RBMS1: variants seen among roughly 807,000 people sequenced by gnomAD.
RBMS1 encodes the protein RNA binding motif single stranded interacting protein 1.
RBMS1 carries 17 observed loss-of-function variants against 62.3 expected under a neutral mutation model. The ratio of observed to expected loss-of-function variants is 0.27; its 90% confidence interval spans 0.19 to 0.41. The LOEUF (loss-of-function observed/expected upper bound fraction) is 0.41, where lower values mean the gene tolerates loss of function less well. Among genes scored for constraint, RBMS1 ranks in the 10% least tolerant of loss-of-function variants. RBMS1 has a pLI of 1.00. For missense variants in RBMS1, 334 were observed against 504.5 expected (o/e 0.66, Z 3.24); for synonymous variants, 172 against 170.0 (o/e 1.01, Z -0.09).
intron 1 of RBMS1, among the ~76,000 whole-genome samples, chr2:160,414,755 G>A (rs933124058): frequency 2.0e-5 from 3 of 151,572 alleles, no homozygotes; most frequent in Non-Finnish European, 1.5e-5. Context: ...CGTTGAGTTA[G>A]CTAGCCCAAC....
intron 1 of RBMS1, among the ~76,000 whole-genome samples, chr2:160,379,113 G>T (rs1378293107): frequency 6.6e-6 from 1 of 152,072 alleles, no homozygotes; most frequent in African/African-American, 2.4e-5. Context: ...CAGCTACTCT[G>T]GTGGCTGTGG....
At chr2:160,365,238 A>C (rs1022412095) in intron 2 of RBMS1, among the ~76,000 whole-genome samples, 7 of 152,232 alleles carry the variant, frequency 4.6e-5, no homozygotes, top group African/African-American at 1.7e-4. Context: ...ATTTTGAGAT[A>C]GACTCTTCTG....
At chr2:160,490,233 A>T (rs1227470873) in intron 1 of RBMS1, among the ~76,000 whole-genome samples, 3 of 151,998 alleles carry the variant, frequency 2.0e-5, no homozygotes, top group Non-Finnish European at 4.4e-5. Flanking sequence ...AAGCTACATC[A>T]AGCTACATTT....
Position 160,493,392 on chromosome 2 carries a change from G to A in RBMS1, c.-29C>T. The stretch of plus-strand genomic sequence containing the variant: ...GCTGGAAGGGAGCCTGCCGTGCAGG[G>A]TCGCGGACACTTTGGGGTTTCCAAG... On this transcript the variant is annotated 5_prime_UTR_variant, in exon 1 of 14. Transcript: ENST00000348849. The A allele has an allele frequency of 6.2e-7, 1 of 1,606,800 alleles. No homozygotes were observed. Among genetic ancestry groups the A allele is most frequent in the Non-Finnish European group, 8.5e-7 (1 of 1,173,814 alleles).
intron 1 of RBMS1, among the ~76,000 whole-genome samples, chr2:160,435,741 T>C (rs1433372470): frequency 2.0e-5 from 3 of 152,210 alleles, no homozygotes; most frequent in Admixed American, 1.3e-4. Context: ...GCAATTGAAA[T>C]AGAATGATGG....
rs767965692 is a variant in RBMS1, at chr2:160,278,645, G to C, written c.965C>G (p.Thr322Ser). 25 of 1,612,056 alleles carry C rather than the reference G, an allele frequency of 1.6e-5. No individual in the cohort carries two copies. The change falls in exon 11 of 14, where the codon ACT (threonine) becomes AGT (serine). Residue 322 changes from threonine (T) to serine (S), a missense_variant. Coordinates refer to ENST00000348849, the MANE Select transcript of RBMS1 (RefSeq NM_016836.4). ...YILQHPGAVLTPSMEHTMSLQ... is the reference protein window; with the variant it reads ...YILQHPGAVLSPSMEHTMSLQ... ...TGACATGGTGTGCTCCATTGAGGGA[G>C]TTAACACGGCACCCTGGGGAGTTGG...
chr2:160,448,976 C>T (rs1251057008), intron 1 of RBMS1, among the ~76,000 whole-genome samples: 1 of 151,726 alleles, frequency 6.6e-6, no homozygotes, highest in Admixed American at 6.6e-5. Context: ...AGTGTCTCTG[C>T]CCGACCGCCA....
chr2:160,379,236 A>G (rs1694158761), intron 1 of RBMS1, among the ~76,000 whole-genome samples: 2 of 152,080 alleles, frequency 1.3e-5, no homozygotes, highest in Non-Finnish European at 2.9e-5. Context: ...AAAAAAAAAA[A>G]AGTTAATGTG....
chr2:160,306,355 T>C (rs1689524929), intron 4 of RBMS1, among the ~76,000 whole-genome samples: 1 of 152,134 alleles, frequency 6.6e-6, no homozygotes. Flanking sequence ...AGTTTACCGA[T>C]GAGGAAATAA....
chr2:160,342,503 A>T (rs1024027010), intron 2 of RBMS1, among the ~76,000 whole-genome samples: 1 of 152,124 alleles, frequency 6.6e-6, no homozygotes, highest in African/African-American at 2.4e-5. Flanking sequence ...GCACATATCA[A>T]GTTAGCATTT....
chr2:160,442,292 G>C (rs1232903497), intron 1 of RBMS1, among the ~76,000 whole-genome samples: 4 of 152,062 alleles, frequency 2.6e-5, no homozygotes, highest in Admixed American at 6.6e-5. Flanking sequence ...TTATATTCGG[G>C]TTTATAACTC....
chr2:160,469,127 A>G (rs1435196686), intron 1 of RBMS1, among the ~76,000 whole-genome samples: 1 of 152,230 alleles, frequency 6.6e-6, no homozygotes, highest in Non-Finnish European at 1.5e-5. Context: ...AACTGTTTAC[A>G]AGAAAACACA....
intron 2 of RBMS1, among the ~76,000 whole-genome samples, chr2:160,328,300 T>G (rs1316765269): frequency 1.3e-5 from 2 of 152,200 alleles, no homozygotes; most frequent in Admixed American, 6.5e-5. Context: ...TACTTGAGAC[T>G]TGAGAGCATT....
chr2:160,383,477 A>T (rs1224245858), intron 1 of RBMS1, among the ~76,000 whole-genome samples: 1 of 151,098 alleles, frequency 6.6e-6, no homozygotes, highest in African/African-American at 2.4e-5. Flanking sequence ...CTGACCCACT[A>T]CAGTGGCTTT....
intron 2 of RBMS1, among the ~76,000 whole-genome samples, chr2:160,359,449 C>T (rs564382800): frequency 6.6e-6 from 1 of 152,174 alleles, no homozygotes. Flanking sequence ...GGTCCCCTAA[C>T]TCAAAATTCT....
At chr2:160,324,865 GAT>G (rs1559382899) in intron 2 of RBMS1, among the ~76,000 whole-genome samples, 2 of 115,392 alleles carry the variant, frequency 1.7e-5, no homozygotes, top group South Asian at 2.9e-4. Context: ...TTCTAAGCGA[GAT>G]GTGTGTGTGT....
chr2:160,414,569 A>C (rs1287029722), intron 1 of RBMS1, among the ~76,000 whole-genome samples: 2 of 152,208 alleles, frequency 1.3e-5, no homozygotes, highest in Non-Finnish European at 2.9e-5. Context: ...TCTATGAAGA[A>C]ACATCCTCCA....
intron 1 of RBMS1, among the ~76,000 whole-genome samples, chr2:160,425,149 G>C (rs1295062387): frequency 1.3e-5 from 2 of 152,152 alleles, no homozygotes; most frequent in Non-Finnish European, 2.9e-5. Flanking sequence ...TGTGAAGTGA[G>C]AGCATTTAAA....
chr2:160,281,564 C>T, intron 9 of RBMS1, 200 bp from the exon 10 acceptor site: 1 of 454,940 alleles, frequency 2.2e-6, no homozygotes, highest in Non-Finnish European at 3.9e-6. Context: ...TATTTAGAAA[C>T]AATTTCTATT....
Sources: gnomAD v4.1 joint callset for allele counts (sites outside exome capture counted in the v4.1 genomes callset) on GRCh38, gnomAD v4.1.1 for gene constraint, MANE v1.5 for transcripts, NCBI Gene and HGNC (gene_info 2026-07-23, HGNC 2026-07-21) for gene names.